SIN3A: variants seen among roughly 807,000 people sequenced by gnomAD.
SIN3A encodes paired amphipathic helix protein Sin3a.
A neutral mutation model predicts 146.1 loss-of-function variants in SIN3A; 14 were observed. The observed-to-expected ratio is 0.10, with a 90% CI of 0.06 to 0.15. The LOEUF (loss-of-function observed/expected upper bound fraction) is 0.15, where lower values mean the gene tolerates loss of function less well. Among genes scored for constraint, SIN3A ranks in the 10% least tolerant of loss-of-function variants. The pLI, the probability that SIN3A is intolerant of heterozygous loss-of-function variation, is 1.00. For missense variants in SIN3A, 1,028 were observed against 1,576.0 expected (o/e 0.65, Z 5.89); for synonymous variants, 572 against 572.0 (o/e 1.00, Z 0.00).
chr15:75,420,713 T>G (rs2073827592), intron 3 of SIN3A: 1 of 152,240 alleles, frequency 6.6e-6, no homozygotes, highest in South Asian at 2.1e-4. Context: ...ATAAATGATT[T>G]ATTGAAGTTG....
At chr15:75,432,947 C>T (rs374929092) in intron 1 of SIN3A, among the ~76,000 whole-genome samples, 13 of 152,146 alleles carry the variant, frequency 8.5e-5, no homozygotes, top group African/African-American at 9.6e-5. Flanking sequence ...GACGCTGAGA[C>T]GGGAGAATCG....
At chr15:75,451,051 C>T (rs1010707237) in intron 1 of SIN3A, among the ~76,000 whole-genome samples, 3 of 148,954 alleles carry the variant, frequency 2.0e-5, no homozygotes, top group African/African-American at 7.4e-5. Context: ...CAGGCCAGAG[C>T]GCGGCCGCCA....
At position 75,380,670 on chromosome 15, in the gene SIN3A, C is replaced by T. The variant is rs2072947245; in HGVS notation, c.3342G>A (p.Glu1114=). The change falls in exon 19 of 21, where the codon GAG becomes GAA. Residue 1114 remains glutamate, a synonymous_variant. Coordinates refer to ENST00000394947, the MANE Select transcript of SIN3A (RefSeq NM_001145358.2). The part of the protein sequence containing the change: ...RYMNSDTTSP[E]LREHLAQKPV... ...GTTTCTGTGCTAGATGTTCACGAAG[C>T]TCAGGCGAGGTAGTATCTGAATTCA... The T allele has an allele frequency of 1.9e-6, 3 of 1,614,014 alleles. No homozygotes were observed.
chr15:75,420,787 A>T (rs2073828951), intron 3 of SIN3A: 1 of 152,216 alleles, frequency 6.6e-6, no homozygotes, highest in Non-Finnish European at 1.5e-5. Flanking sequence ...GGGAATACTG[A>T]GTTAAATTAC....
At chr15:75,454,953 A>G (rs1381599755), upstream of SIN3A, 1 of 151,750 alleles carries the variant, frequency 6.6e-6, no homozygotes, top group Non-Finnish European at 1.5e-5. Context: ...CCGAATGCTG[A>G]CTCGACCGCC....
chr15:75,432,920 T>C (rs2074037742), intron 1 of SIN3A, among the ~76,000 whole-genome samples: 1 of 152,010 alleles, frequency 6.6e-6, no homozygotes, highest in African/African-American at 2.4e-5. Flanking sequence ...CACGCATCTG[T>C]AATCCCAGCT....
At chr15:75,421,113 T>C (rs1441076710) in intron 3 of SIN3A, 4 of 152,240 alleles carry the variant, frequency 2.6e-5, no homozygotes, top group African/African-American at 9.6e-5. Flanking sequence ...GTTAGTTTAA[T>C]AAGCAAGTTT....
intron 3 of SIN3A, among the ~76,000 whole-genome samples, chr15:75,417,029 AGTGG>A (rs1443392923): frequency 6.8e-6 from 1 of 148,072 alleles, no homozygotes; most frequent in East Asian, 2.0e-4. Context: ...TGGGTTTTAT[AGTGG>A]CTTTTTTTTT....
intron 1 of SIN3A, among the ~76,000 whole-genome samples, chr15:75,437,082 T>C (rs1206040841): frequency 6.6e-6 from 1 of 152,108 alleles, no homozygotes; most frequent in African/African-American, 2.4e-5. Flanking sequence ...GAGCCAGAGA[T>C]TTCCTCCCCG....
intron 6 of SIN3A, 146 bp downstream of exon 6, chr15:75,411,346 C>G: frequency 1.1e-6 from 1 of 941,668 alleles, no homozygotes; most frequent in East Asian, 2.5e-5. Context: ...AACAAACAAA[C>G]AAACTGGCTT....
intron 1 of SIN3A, among the ~76,000 whole-genome samples, chr15:75,451,015 C>G (rs1343335135): frequency 3.3e-5 from 5 of 151,742 alleles, no homozygotes; most frequent in African/African-American, 9.7e-5. Context: ...CGCGGGAGAC[C>G]CCCCCCTACC....
intron 15 of SIN3A, among the ~76,000 whole-genome samples, chr15:75,391,237 G>C (rs1567332443): frequency 6.6e-6 from 1 of 152,300 alleles, no homozygotes; most frequent in East Asian, 1.9e-4. Context: ...ACAAGCTGTG[G>C]TAAGTGTGAG....
chr15:75,372,385 T>TA (rs559619173), intron 20 of SIN3A, among the ~76,000 whole-genome samples, 176 bp from the exon 21 acceptor site: 38 of 152,016 alleles, frequency 2.5e-4, no homozygotes, highest in Non-Finnish European at 8.8e-5. Context: ...AAAGAGAAGT[T>TA]AAAGAGGTAA....
chr15:75,407,026 C>T lies in SIN3A; in HGVS notation c.1407+29G>A, dbSNP rs1161296225. 3.4e-6 allele frequency: 5 copies of T among 1,480,458 alleles called. No individual in the cohort carries two copies. The African/African-American group carries it at 6.9e-5, about 21-fold the overall frequency. The allele number at this position is 1,480,458 out of a possible 1,614,324, so 91.7% of individuals were successfully genotyped here. ...GATTTTCTTTTGGCATTAACAGGCA[C>T]TATCAAATCTAACTCATCCATTACT... On this transcript the variant is annotated intron_variant, in intron 9 of 20. Coordinates refer to ENST00000394947, the MANE Select transcript of SIN3A (RefSeq NM_001145358.2).
intron 1 of SIN3A, among the ~76,000 whole-genome samples, chr15:75,436,629 T>A (rs368959068): frequency 1.2e-4 from 18 of 152,098 alleles, no homozygotes; most frequent in African/African-American, 4.3e-4. Flanking sequence ...AGAAAAATGA[T>A]AATGGTAAAA....
At chr15:75,426,064 C>A (rs1398443877) in intron 2 of SIN3A, among the ~76,000 whole-genome samples, 1 of 152,200 alleles carries the variant, frequency 6.6e-6, no homozygotes, top group African/African-American at 2.4e-5. Context: ...ATGTTTTTTA[C>A]AGGGTTTACA....
upstream of SIN3A, among the ~76,000 whole-genome samples, chr15:75,454,557 C>T (rs1013670151): frequency 1.3e-5 from 2 of 151,312 alleles, no homozygotes; most frequent in African/African-American, 2.4e-5. Flanking sequence ...ACAGGCGCGC[C>T]CCCCGCGCCC....
At chr15:75,422,553 G>C (rs2073857141) in intron 3 of SIN3A, 94 bp downstream of exon 3, 2 of 1,351,396 alleles carry the variant, frequency 1.5e-6, no homozygotes, top group Non-Finnish European at 2.1e-6. Flanking sequence ...TAGTATCTCA[G>C]GTTAGAAGTT....
upstream of SIN3A, chr15:75,452,878 TCTC>T (rs2074431847): frequency 6.6e-6 from 1 of 152,270 alleles, no homozygotes; most frequent in African/African-American, 2.4e-5. Context: ...CTGTTCACCT[TCTC>T]CTTGGCCGGG....
Sources: gnomAD v4.1 joint callset for allele counts (sites outside exome capture counted in the v4.1 genomes callset) on GRCh38, gnomAD v4.1.1 for gene constraint, MANE v1.5 for transcripts, NCBI Gene and HGNC (gene_info 2026-07-23, HGNC 2026-07-21) for gene names.